DNASE1: variants seen among roughly 807,000 people sequenced by gnomAD.
DNASE1 encodes the protein deoxyribonuclease-1.
In DNASE1, 40 loss-of-function variants were observed where a neutral mutation model predicts 33.9. The observed-to-expected ratio is 1.18, with a 90% CI of 0.92 to 1.54. The LOEUF (loss-of-function observed/expected upper bound fraction) is 1.54, where lower values mean the gene tolerates loss of function less well. DNASE1 is among the 40% of genes most tolerant of loss of function. The pLI, the probability that DNASE1 is intolerant of heterozygous loss-of-function variation, is 0.00. For synonymous variants in DNASE1, 216 were observed against 160.0 expected, an observed-to-expected ratio of 1.35 and a Z score of -2.64; for missense variants, 518 against 372.6, an observed-to-expected ratio of 1.39 and a Z score of -3.21.
rs1338382138 is a variant in DNASE1 at position 3,658,092 on chromosome 16, G to A, written c.*139G>A. 10 of 1,610,530 alleles carry A rather than the reference G, an allele frequency of 6.2e-6. No homozygotes were observed. In the East Asian group the frequency reaches 2.2e-4, roughly 36 times the overall value. On this transcript the variant is annotated 3_prime_UTR_variant, in exon 9 of 9. Coordinates refer to ENST00000246949, the MANE Select transcript of DNASE1 (RefSeq NM_005223.4). ...AAATAAAGCTCAAGGAGGTGGGGCT[G>A]TCATCTGTGGTGTCAGTCCTTCTGG...
chr16:3,655,976 C>CT, intron 3 of DNASE1, 39 bp downstream of exon 3: 4 of 1,612,692 alleles, frequency 2.5e-6, no homozygotes, highest in Non-Finnish European at 3.4e-6. Context: ...GGTGACATCT[C>CT]GTCCACGGCA....
In DNASE1 at chr16:3,657,757, G is replaced by GA; in HGVS notation, c.742_743insA (p.Val248AspfsTer9). ...AGGGATGCTGCTCCGAGGCGCCGTT[G>GA]TTCCCGACTCGGCTCTTCCCTTTAA... On this transcript the variant is annotated frameshift_variant, in exon 8 of 9. Transcript: ENST00000246949. LOFTEE classifies it high-confidence loss of function. 1 of 1,613,920 alleles carries GA rather than the reference G, an allele frequency of 6.2e-7. No homozygotes were observed. Among genetic ancestry groups the GA allele is most frequent in the Non-Finnish European group, 8.5e-7 (1 of 1,179,936 alleles).
At chr16:3,648,853 G>T (rs1443270930) in intron 1 of DNASE1, among the ~76,000 whole-genome samples, 3 of 152,132 alleles carry the variant, frequency 2.0e-5, no homozygotes, top group Admixed American at 6.6e-5. Flanking sequence ...TTTGTTTATG[G>T]ATATATCTCA....
intron 1 of DNASE1, among the ~76,000 whole-genome samples, chr16:3,615,827 A>G (rs2041081150): frequency 6.6e-6 from 1 of 152,206 alleles, no homozygotes; most frequent in African/African-American, 2.4e-5. Context: ...AGCTTCTGGC[A>G]TCTTCCACTG....
Position 3,656,112 on chromosome 16 carries a change from G to C in DNASE1, c.247G>C (p.Asp83His), listed in dbSNP as rs751368646. The change falls in exon 4 of 9, where the codon GAC becomes CAC. Residue 83 changes from aspartate to histidine, a missense_variant. Physicochemically the swap from Asp to His is moderately conservative, Grantham distance 81. Coordinates refer to ENST00000246949, the MANE Select transcript of DNASE1 (RefSeq NM_005223.4). ...GTTTCTTCAATCCAGGGATGCACCA[G>C]ACACCTATCACTACGTGGTCAGTGA... The part of the protein sequence containing the change: ...LLDNLNQDAP[D>H]TYHYVVSEPL... The C allele has an allele frequency of 1.4e-5, 22 of 1,614,130 alleles. No individual in the cohort carries two copies. Among genetic ancestry groups the C allele is most frequent in the East Asian group, 2.2e-5 (1 of 44,880 alleles).
intron 1 of DNASE1, among the ~76,000 whole-genome samples, chr16:3,621,505 C>G (rs1420911827): frequency 6.6e-6 from 1 of 152,176 alleles, no homozygotes; most frequent in African/African-American, 2.4e-5. Context: ...TCATCAGAGG[C>G]TTCTTGAAAT....
chr16:3,615,749 A>C (rs1015261740), intron 1 of DNASE1, among the ~76,000 whole-genome samples: 1 of 152,216 alleles, frequency 6.6e-6, no homozygotes, highest in Non-Finnish European at 1.5e-5. Context: ...GGTTCAGGGC[A>C]AAAAGGCAAA....
chr16:3,624,147 C>T (rs780438101), intron 1 of DNASE1, among the ~76,000 whole-genome samples: 2 of 151,674 alleles, frequency 1.3e-5, no homozygotes, highest in Non-Finnish European at 2.9e-5. Context: ...CGCGGTAGTG[C>T]ACGCCTGTAA....
At chr16:3,656,023 T>C (rs1336969375) in intron 3 of DNASE1, 79 bp from the exon 4 acceptor site, 2 of 1,609,956 alleles carry the variant, frequency 1.2e-6, no homozygotes, top group African/African-American at 2.7e-5. Flanking sequence ...GGTGGGGACC[T>C]GGGCACAGCC....
At chr16:3,618,232 A>G (rs1479260462) in intron 1 of DNASE1, among the ~76,000 whole-genome samples, 3 of 151,666 alleles carry the variant, frequency 2.0e-5, no homozygotes, top group Non-Finnish European at 4.4e-5. Flanking sequence ...CTTCATGGCC[A>G]GTAGGACAGC....
At chr16:3,661,973 G>GAGCGTGGCCTCACCTGGGGTTGATCTCC, downstream of DNASE1, 1 of 1,590,952 alleles carries the variant, frequency 6.3e-7, no homozygotes, top group Non-Finnish European at 8.6e-7. Flanking sequence ...GAAGAGCCAG[G>GAGCGTGGCCTCACCTGGGGTTGATCTCC]AGCGTGGCCT....
upstream of DNASE1, chr16:3,653,830 A>AAAAAAAAAAAACAAAC (rs1567205878): frequency 2.1e-5 from 3 of 146,300 alleles, no homozygotes; most frequent in African/African-American, 7.8e-5. Flanking sequence ...AAAAAAAAAA[A>AAAAAAAAAAAACAAAC]AAAAAAAAAA....
At chr16:3,634,027 G>C (rs1450372328) in intron 1 of DNASE1, among the ~76,000 whole-genome samples, 1 of 151,644 alleles carries the variant, frequency 6.6e-6, no homozygotes, top group Non-Finnish European at 1.5e-5. Context: ...GGCCAGGATG[G>C]TCTCGATCTC....
upstream of DNASE1, chr16:3,651,939 G>C (rs1480601231): frequency 6.6e-6 from 1 of 152,344 alleles, no homozygotes; most frequent in African/African-American, 2.4e-5. Context: ...GATTGTTCTG[G>C]GAATCTATCA....
In DNASE1 at chr16:3,657,112, G is replaced by A. The variant is rs758328706; in HGVS notation, c.549+1G>A. 1.4e-5 allele frequency: 22 copies of A among 1,613,970 alleles called. No individual in the cohort carries two copies. The highest frequency in any genetic ancestry group is 1.6e-5 in the Non-Finnish European group (19 of 1,180,022). On this transcript the variant is annotated splice_donor_variant, in intron 6 of 8. Transcript: ENST00000246949. LOFTEE classifies it high-confidence loss of function. Reference sequence around the variant, plus strand: ...TGTCCAAGAGAAATGGGGCTTGGAGGTGAGGCCCTCCCAGGGGCAGTGGGC... The same window carrying A: ...TGTCCAAGAGAAATGGGGCTTGGAGATGAGGCCCTCCCAGGGGCAGTGGGC...
At chr16:3,612,530 C>A (rs1453193090) in intron 1 of DNASE1, among the ~76,000 whole-genome samples, 1 of 132,840 alleles carries the variant, frequency 7.5e-6, no homozygotes, top group Non-Finnish European at 1.6e-5. Flanking sequence ...GGATTACAGG[C>A]GTGAGCCACC....
At chr16:3,630,596 TTTTAATCTTTTTTTTAAA>T in intron 1 of DNASE1, among the ~76,000 whole-genome samples, 1 of 152,342 alleles carries the variant, frequency 6.6e-6, no homozygotes, top group South Asian at 2.1e-4. Context: ...TAATGTCCTT[TTTTAATCTTTTTTTTAAA>T]TTTAAAGTCT....
At chr16:3,662,531 G>A (rs1289700326), downstream of DNASE1, 17 of 533,534 alleles carry the variant, frequency 3.2e-5, no homozygotes, top group African/African-American at 9.4e-5. Context: ...CAAAACCCCC[G>A]ACTAAGCACC....
intron 1 of DNASE1, among the ~76,000 whole-genome samples, chr16:3,637,849 G>T (rs913958012): frequency 2.0e-5 from 3 of 152,100 alleles, no homozygotes; most frequent in Admixed American, 6.6e-5. Flanking sequence ...CCACTCCTGG[G>T]CTCCTGCTCA....
Sources: gnomAD v4.1 joint callset for allele counts (sites outside exome capture counted in the v4.1 genomes callset) on GRCh38, gnomAD v4.1.1 for gene constraint, MANE v1.5 for transcripts, NCBI Gene and HGNC (gene_info 2026-07-23, HGNC 2026-07-21) for gene names.